THADA: variants seen among roughly 807,000 people sequenced by gnomAD.
THADA encodes THADA armadillo repeat containing, also known as tRNA (32-2'-O)-methyltransferase regulator THADA.
THADA carries 213 observed loss-of-function variants against 219.8 expected under a neutral mutation model. The ratio of observed to expected loss-of-function variants is 0.97; its 90% CI spans 0.87 to 1.09. THADA has a LOEUF of 1.09. Ranked by LOEUF, THADA falls within the 50% of genes least tolerant of loss-of-function variation. THADA has a pLI of 0.00. For synonymous variants in THADA, 1,018 were observed against 828.9 expected (o/e 1.23, Z -3.92); for missense variants, 2,956 against 2,311.3 (o/e 1.28, Z -5.72).
At chr2:43,252,978 A>G (rs1236920853) in intron 36 of THADA, among the ~76,000 whole-genome samples, 1 of 151,890 alleles carries the variant, frequency 6.6e-6, no homozygotes, top group African/African-American at 2.4e-5. Context: ...TCTACATCTT[A>G]CTCCCTAACC....
intron 17 of THADA, among the ~76,000 whole-genome samples, chr2:43,553,054 A>G (rs932493302): frequency 6.6e-6 from 1 of 152,230 alleles, no homozygotes; most frequent in Non-Finnish European, 1.5e-5. Flanking sequence ...TCCATGCTGC[A>G]GCATGTATCA....
intron 26 of THADA, among the ~76,000 whole-genome samples, chr2:43,483,271 G>A (rs571772596): frequency 6.6e-6 from 1 of 152,228 alleles, no homozygotes; most frequent in East Asian, 1.9e-4. Flanking sequence ...GATGAAAAAG[G>A]TCCTTCCTTC....
At chr2:43,297,689 T>G (rs1157907266) in intron 31 of THADA, among the ~76,000 whole-genome samples, 2 of 93,564 alleles carry the variant, frequency 2.1e-5, no homozygotes, top group Non-Finnish European at 4.0e-5. Context: ...GAGGAGCCCC[T>G]CAGCCCGGCC....
At chr2:43,429,719 T>C (rs944398391) in intron 27 of THADA, among the ~76,000 whole-genome samples, 1 of 149,540 alleles carries the variant, frequency 6.7e-6, no homozygotes, top group African/African-American at 2.5e-5. Flanking sequence ...CCACCGAAAA[T>C]GGAATTAAGT....
At chr2:43,468,023 G>A (rs1684464076) in intron 26 of THADA, among the ~76,000 whole-genome samples, 1 of 152,208 alleles carries the variant, frequency 6.6e-6, no homozygotes, top group Admixed American at 6.5e-5. Context: ...AAGCTTAATT[G>A]CAAGGCTTGA....
intron 16 of THADA, among the ~76,000 whole-genome samples, chr2:43,557,708 A>G (rs113872187): frequency 0.015 from 2,281 of 152,328 alleles, 42 homozygotes; most frequent in African/African-American, 0.05. Context: ...CTGTGTGTTC[A>G]TAAGTCTGGA....
intron 20 of THADA, among the ~76,000 whole-genome samples, chr2:43,547,312 A>T (rs1248174900): frequency 6.6e-6 from 1 of 151,946 alleles, no homozygotes; most frequent in Non-Finnish European, 1.5e-5. Context: ...TTTTTCCTTC[A>T]TTTCAACTTT....
chr2:43,445,494 G>T lies in THADA; in HGVS notation c.3837-15192C>A, dbSNP rs534249626. Among the ~76,000 whole-genome samples the T allele has an allele frequency of 2.9e-3, 440 of 152,282 alleles. 1 individual carries two copies. The highest frequency in any genetic ancestry group is 5.0e-3 in the Non-Finnish European group (339 of 68,010). Reference sequence around the variant, plus strand: ...CCCGTGGTCAGAATCTCACACTCAGGAAGTCTGTGTATTCATAGCGATGGA... The same window carrying T: ...CCCGTGGTCAGAATCTCACACTCAGTAAGTCTGTGTATTCATAGCGATGGA... On this transcript the variant is annotated intron_variant, in intron 26 of 37. Transcript: ENST00000405975.
chr2:43,452,222 T>C (rs1238459474), intron 26 of THADA, among the ~76,000 whole-genome samples: 2 of 152,210 alleles, frequency 1.3e-5, no homozygotes, highest in Non-Finnish European at 2.9e-5. Flanking sequence ...TTTGTTTCTA[T>C]CATTTTGTTC....
intron 22 of THADA, among the ~76,000 whole-genome samples, chr2:43,519,977 G>A (rs1692208271): frequency 6.6e-6 from 1 of 152,196 alleles, no homozygotes; most frequent in African/African-American, 2.4e-5. Context: ...GGTTGCTGGT[G>A]TTTATGATAA....
intron 7 of THADA, among the ~76,000 whole-genome samples, chr2:43,586,167 A>G (rs1012690364): frequency 1.3e-5 from 2 of 152,162 alleles, no homozygotes; most frequent in African/African-American, 4.8e-5. Context: ...TGGGAAGCTG[A>G]GGTGATACAA....
intron 36 of THADA, chr2:43,233,179 T>A: frequency 3.0e-6 from 1 of 334,836 alleles, no homozygotes; most frequent in East Asian, 5.1e-5. Context: ...GCTCCTCCAG[T>A]GTCACCAGAA....
At chr2:43,504,056 A>T (rs763307288) in intron 24 of THADA, among the ~76,000 whole-genome samples, 77 of 152,062 alleles carry the variant, frequency 5.1e-4, no homozygotes, top group South Asian at 2.1e-4. Flanking sequence ...GTATAATGCA[A>T]ATATGCCAAA....
At chr2:43,465,945 C>A (rs1684176933) in intron 26 of THADA, among the ~76,000 whole-genome samples, 1 of 152,202 alleles carries the variant, frequency 6.6e-6, no homozygotes. Flanking sequence ...GCCCCAGAAT[C>A]TGTCCAAGCC....
intron 15 of THADA, 31 bp downstream of exon 15, chr2:43,566,667 A>G: frequency 6.2e-7 from 1 of 1,606,828 alleles, no homozygotes; most frequent in East Asian, 2.2e-5. Context: ...GAAAACAAAA[A>G]TTACTTCCCC....
At chr2:43,400,916 C>T (rs7600177) in intron 28 of THADA, among the ~76,000 whole-genome samples, 35,777 of 151,918 alleles carry the variant, frequency 0.24, 4,369 homozygotes, top group South Asian at 0.32. Flanking sequence ...AATATGAAGG[C>T]AAAGAGGGTC....
chr2:43,360,791 A>G (rs1055910131), intron 29 of THADA, among the ~76,000 whole-genome samples: 3 of 152,188 alleles, frequency 2.0e-5, no homozygotes, highest in Admixed American at 6.5e-5. Flanking sequence ...AGAAGTTGTT[A>G]TGGATTTTCC....
At chr2:43,473,760 C>T (rs1685198083) in intron 26 of THADA, among the ~76,000 whole-genome samples, 1 of 152,104 alleles carries the variant, frequency 6.6e-6, no homozygotes, top group African/African-American at 2.4e-5. Context: ...AGGCGCCTGC[C>T]ACCACACCCA....
intron 27 of THADA, among the ~76,000 whole-genome samples, 169 bp from the exon 28 acceptor site, chr2:43,428,400 G>C (rs988220966): frequency 1.7e-4 from 26 of 152,294 alleles, no homozygotes; most frequent in African/African-American, 6.0e-4. Context: ...GTGAGGTCAG[G>C]AGTTCAAGAC....
Sources: allele counts gnomAD v4.1 joint callset (sites outside exome capture counted in the v4.1 genomes callset), GRCh38; gene constraint gnomAD v4.1.1; transcripts MANE v1.5; gene names NCBI Gene and HGNC (gene_info 2026-07-23, HGNC 2026-07-21).